GJA1: variants seen among roughly 807,000 people sequenced by gnomAD.
GJA1 encodes gap junction protein alpha 1, also known as gap junction alpha-1 protein.
Under a neutral mutation model 31.0 loss-of-function variants are expected in GJA1, and 9 were observed. The ratio of observed to expected loss-of-function variants is 0.29; its 90% CI spans 0.17 to 0.51. The LOEUF is 0.51. Among genes scored for constraint, GJA1 ranks in the 20% least tolerant of loss-of-function variants. GJA1 has a pLI of 0.98. For synonymous variants in GJA1, 186 were observed against 180.1 expected (o/e 1.03, Z -0.26); for missense variants, 278 against 468.8 (o/e 0.59, Z 3.76).
rs1395588866 is a variant in GJA1, at chr6:121,448,232, T to C, written c.*236T>C. 1 of 580,096 alleles carries C rather than the reference T, an allele frequency of 1.7e-6. No homozygotes were observed. The highest frequency in any genetic ancestry group is 3.2e-6 in the Non-Finnish European group (1 of 316,688). The allele number at this position is 580,096 out of a possible 1,614,324, so 35.9% of individuals were successfully genotyped here. On this transcript the variant is annotated 3_prime_UTR_variant, in exon 2 of 2. Transcript: ENST00000282561. ...CATGTTGGTATTTAAAGTAGTGGAT[T>C]CAAAGAACTTAGATTATAAATAAGA...
In GJA1 at chr6:121,447,074, G is replaced by A. The variant is rs267606844; in HGVS notation, c.227G>A (p.Arg76His). The change falls in exon 2 of 2, where the codon CGC becomes CAC. Residue 76 changes from arginine (R) to histidine (H), a missense_variant. By Grantham distance (29) the Arg-to-His change is conservative. Coordinates refer to ENST00000282561, the MANE Select transcript of GJA1 (RefSeq NM_000165.5). ...YDKSFPISHV[R>H]FWVLQIIFVS... ...AAGTCTTTCCCAATCTCTCATGTGC[G>A]CTTCTGGGTCCTGCAGATCATATTT... 4.3e-6 allele frequency: 7 copies of A among 1,613,594 alleles called. No individual in the cohort carries two copies. The highest frequency in any genetic ancestry group is 1.6e-4 in the Middle Eastern group (1 of 6,080).
At chr6:121,446,176 T>C (rs1773886315) in intron 1 of GJA1, among the ~76,000 whole-genome samples, 1 of 152,078 alleles carries the variant, frequency 6.6e-6, no homozygotes, top group African/African-American at 2.4e-5. Context: ...ATGCCTGTAA[T>C]CCCAGCTACT....
Position 121,447,190 on chromosome 6 carries a change from G to A in GJA1, c.343G>A (p.Val115Ile), listed in dbSNP as rs1773902844. The change falls in exon 2 of 2, where the codon GTT becomes ATT. Residue 115 changes from valine (V) to isoleucine (I), a missense_variant. Val to Ile is a conservative substitution (Grantham distance 29). Around this residue, in one of 3 missense-constraint regions of GJA1, gnomAD observed 80 missense variants for 163.5 expected, o/e 0.49. Transcript: ENST00000282561. ...KLNKKEEELK[V>I]AQTDGVNVDM... The stretch of plus-strand genomic sequence containing the variant: ...GAACAAGAAAGAGGAAGAACTCAAG[G>A]TTGCCCAAACTGATGGTGTCAATGT... The A allele has an allele frequency of 6.2e-7, 1 of 1,613,872 alleles. No individual in the cohort carries two copies. The highest frequency in any genetic ancestry group is 1.3e-5 in the African/African-American group (1 of 74,904).
rs569404880 is a variant in GJA1, at chr6:121,440,512, A to AT, written c.-17+4683dup. 5.4e-3 allele frequency among the ~76,000 whole-genome samples: 822 copies of AT among 152,234 alleles called. 6 individuals are homozygous for AT. Among genetic ancestry groups the AT allele is most frequent in the Middle Eastern group, 0.02 (6 of 294 alleles). ...CTGTTTCAGCAATTGTCACTTGAAA[A>AT]TTTAACAGTATGAGAATGAGATGAT... On this transcript the variant is annotated intron_variant, in intron 1 of 1. Transcript: ENST00000282561.
chr6:121,442,488 G>A (rs536118168), intron 1 of GJA1, among the ~76,000 whole-genome samples: 2 of 152,162 alleles, frequency 1.3e-5, no homozygotes, highest in Non-Finnish European at 2.9e-5. Context: ...CTCAATGCCG[G>A]GTGCCCAGAG....
At chr6:121,444,611 A>G (rs1773853655) in intron 1 of GJA1, among the ~76,000 whole-genome samples, 1 of 152,212 alleles carries the variant, frequency 6.6e-6, no homozygotes, top group South Asian at 2.1e-4. Context: ...ACTTCCTACA[A>G]GGAGATACAG....
intron 1 of GJA1, among the ~76,000 whole-genome samples, chr6:121,439,814 C>T (rs1262651603): frequency 2.6e-5 from 4 of 152,130 alleles, no homozygotes; most frequent in East Asian, 1.9e-4. Context: ...ACATCAAATA[C>T]CTACACAAAT....
chr6:121,436,146 T>TTG (rs1363566043), intron 1 of GJA1, among the ~76,000 whole-genome samples: 1 of 138,658 alleles, frequency 7.2e-6, no homozygotes, highest in African/African-American at 2.7e-5. Flanking sequence ...GTTTTTTTTT[T>TTG]GTAATCAGTA....
intron 1 of GJA1, among the ~76,000 whole-genome samples, chr6:121,444,001 T>C (rs1349456345): frequency 2.6e-5 from 4 of 152,156 alleles, no homozygotes; most frequent in Non-Finnish European, 2.9e-5. Context: ...CTCCAAAGAT[T>C]CTGTTTGTCT....
rs1311754627 is a variant in GJA1 at position 121,447,340 on chromosome 6, T to C, written c.493T>C (p.Phe165Leu). The C allele has an allele frequency of 1.2e-6, 2 of 1,614,022 alleles. No homozygotes were observed. Among genetic ancestry groups the C allele is most frequent in the Admixed American group, 1.7e-5 (1 of 59,998 alleles). The change falls in exon 2 of 2, where the codon TTT (phenylalanine) becomes CTT (leucine). Residue 165 changes from phenylalanine (F) to leucine (L), a missense_variant. By Grantham distance (22) the Phe-to-Leu change is conservative. Transcript: ENST00000282561. ...CATCAGTATCCTCTTCAAGTCTATC[T>C]TTGAGGTGGCCTTCTTGCTGATCCA... is the stretch of plus-strand genomic sequence containing the variant. The part of the protein sequence containing the change: ...YIISILFKSI[F>L]EVAFLLIQWY...
Position 121,447,151 on chromosome 6 carries a change from A to C in GJA1, c.304A>C (p.Lys102Gln). 3 of 1,613,966 alleles carry C rather than the reference A, an allele frequency of 1.9e-6. No homozygotes were observed. Among genetic ancestry groups the C allele is most frequent in the Non-Finnish European group, 2.5e-6 (3 of 1,179,860 alleles). Residue 102 changes from lysine to glutamine, a missense_variant, in exon 2 of 2, where the codon AAG becomes CAG. By Grantham distance (53) the Lys-to-Gln change is moderately conservative. Transcript: ENST00000282561. ...YLAHVFYVMRKEEKLNKKEEE... is the reference protein window; with the variant it reads ...YLAHVFYVMRQEEKLNKKEEE... ...GGCTCATGTGTTCTATGTGATGCGA[A>C]AGGAAGAGAAACTGAACAAGAAAGA...
Position 121,435,817 on chromosome 6 carries a change from A to G in GJA1, c.-32A>G, listed in dbSNP as rs1773652015. On this transcript the variant is annotated 5_prime_UTR_variant, in exon 1 of 2. Coordinates refer to ENST00000282561, the MANE Select transcript of GJA1 (RefSeq NM_000165.5). ...TTCAATCACTTGGCGTGACTTCACT[A>G]CTTTTAAGCAAAAGAGTAAGTTTTT... 6.6e-6 allele frequency: 1 copy of G among 152,180 alleles called. No individual in the cohort carries two copies. The highest frequency in any genetic ancestry group is 1.5e-5 in the Non-Finnish European group (1 of 68,036). 9.4% of individuals were successfully genotyped at this position (152,180 alleles called of 1,614,324 possible). A position where few individuals can be genotyped will look rare whatever the true frequency, so the allele number is the denominator to read the frequency against.
chr6:121,438,847 A>G (rs1773715647), intron 1 of GJA1, among the ~76,000 whole-genome samples: 1 of 152,154 alleles, frequency 6.6e-6, no homozygotes, highest in Non-Finnish European at 1.5e-5. Context: ...ACCTCCATCT[A>G]AAGTCACCTT....
intron 1 of GJA1, among the ~76,000 whole-genome samples, chr6:121,436,308 T>C (rs548650508): frequency 6.6e-6 from 1 of 152,180 alleles, no homozygotes; most frequent in South Asian, 2.1e-4. Flanking sequence ...AAGTGCTTTT[T>C]TCATATGGAA....
rs1453190568 is a variant in GJA1 at position 121,449,003 on chromosome 6, G to A, written c.*1007G>A. On this transcript the variant is annotated 3_prime_UTR_variant, in exon 2 of 2. Coordinates refer to ENST00000282561, the MANE Select transcript of GJA1 (RefSeq NM_000165.5). ...TATAATTCCTGCTGTGGCAAGTAAAGCACACTTTTTTTTTCTCCTAAAATG... is the reference window on the plus strand; with the variant it reads ...TATAATTCCTGCTGTGGCAAGTAAAACACACTTTTTTTTTCTCCTAAAATG... 1.2e-5 allele frequency: 2 copies of A among 165,604 alleles called. No homozygotes were observed. 10.3% of individuals were successfully genotyped at this position (165,604 alleles called of 1,614,324 possible).
rs1167495487 is a variant in GJA1, at chr6:121,448,131, C to G, written c.*135C>G. On this transcript the variant is annotated 3_prime_UTR_variant, in exon 2 of 2. Coordinates refer to ENST00000282561, the MANE Select transcript of GJA1 (RefSeq NM_000165.5). ...CCTTATTCATGAGGCTTAGAAAACA[C>G]AAAGACATTAGAATACCTAGGTTCA... The G allele has an allele frequency of 1.2e-6, 1 of 808,560 alleles. No homozygotes were observed. The highest frequency in any genetic ancestry group is 2.1e-6 in the Non-Finnish European group (1 of 468,648). The allele number at this position is 808,560 out of a possible 1,614,324, so 50.1% of individuals were successfully genotyped here. A position where few individuals can be genotyped will look rare whatever the true frequency, so the allele number is the denominator to read the frequency against.
At chr6:121,444,974 A>C (rs1223198260) in intron 1 of GJA1, among the ~76,000 whole-genome samples, 1 of 152,214 alleles carries the variant, frequency 6.6e-6, no homozygotes, top group Admixed American at 6.5e-5. Flanking sequence ...AACCAGTGTG[A>C]GGCATTGAAA....
chr6:121,439,650 T>C (rs1300785914), intron 1 of GJA1, among the ~76,000 whole-genome samples: 1 of 152,150 alleles, frequency 6.6e-6, no homozygotes. Flanking sequence ...ATCCTCTCTT[T>C]GGATGGAGTT....
Position 121,447,634 on chromosome 6 carries a change from C to A in GJA1, c.787C>A (p.Gln263Lys). Reference sequence around the variant, plus strand: ...GAGCCCTGCCAAAGACTGTGGGTCTCAAAAATATGCTTATTTCAATGGCTG... The same window carrying A: ...GAGCCCTGCCAAAGACTGTGGGTCTAAAAAATATGCTTATTTCAATGGCTG... ...ALSPAKDCGS[Q>K]KYAYFNGCSS... The change falls in exon 2 of 2, where the codon CAA (glutamine) becomes AAA (lysine). Residue 263 changes from glutamine to lysine, a missense_variant. Coordinates refer to ENST00000282561, the MANE Select transcript of GJA1 (RefSeq NM_000165.5). The A allele has an allele frequency of 6.2e-7, 1 of 1,613,954 alleles. No homozygotes were observed. The highest frequency in any genetic ancestry group is 8.5e-7 in the Non-Finnish European group (1 of 1,179,976).
Sources: gnomAD v4.1 joint callset for allele counts (sites outside exome capture counted in the v4.1 genomes callset) on GRCh38, gnomAD v4.1.1 for gene constraint, gnomAD v4.1.1 regional missense constraint, MANE v1.5 for transcripts, NCBI Gene and HGNC (gene_info 2026-07-23, HGNC 2026-07-21) for gene names.